The following TNIK variants were observed in gnomAD, a reference collection of about 807,000 sequenced individuals.
TNIK encodes the protein TRAF2 and NCK interacting kinase.
In TNIK, 49 loss-of-function variants were observed where a neutral mutation model predicts 191.3. That is an observed-to-expected ratio of 0.26 (90% CI 0.20 to 0.32). TNIK has a LOEUF of 0.32. Among genes scored for constraint, TNIK ranks in the 10% least tolerant of loss-of-function variants. The probability of loss-of-function intolerance (pLI) is 1.00; values close to 1 mark genes in which losing one functional copy is unlikely to be tolerated. For synonymous variants in TNIK, 594 were observed against 600.9 expected, an observed-to-expected ratio of 0.99 and a Z score of 0.17; for missense variants, 1,155 against 1,702.3, an observed-to-expected ratio of 0.68 and a Z score of 5.66.
intron 2 of TNIK, among the ~76,000 whole-genome samples, chr3:171,259,194 C>T (rs1467768833): frequency 6.6e-6 from 1 of 152,114 alleles, no homozygotes; most frequent in Non-Finnish European, 1.5e-5. Context: ...GGGAATAAAT[C>T]TCAAACCTGG....
At chr3:171,305,473 A>G (rs968184342) in intron 2 of TNIK, among the ~76,000 whole-genome samples, 4 of 152,172 alleles carry the variant, frequency 2.6e-5, no homozygotes, top group Non-Finnish European at 4.4e-5. Flanking sequence ...CATCTAACGA[A>G]GTCTAATATC....
At chr3:171,088,295 C>T (rs1378503401) in intron 23 of TNIK, among the ~76,000 whole-genome samples, 2 of 149,536 alleles carry the variant, frequency 1.3e-5, no homozygotes, top group East Asian at 2.0e-4. Flanking sequence ...AGTGCAGTGG[C>T]GCGATCTTGG....
At chr3:171,456,298 C>T (rs1728791046) in intron 1 of TNIK, among the ~76,000 whole-genome samples, 1 of 152,218 alleles carries the variant, frequency 6.6e-6, no homozygotes, top group African/African-American at 2.4e-5. Flanking sequence ...CTGGTGGCAA[C>T]TTTCATCTCT....
At chr3:171,198,708 A>AT (rs1290233690) in intron 4 of TNIK, among the ~76,000 whole-genome samples, 6 of 152,122 alleles carry the variant, frequency 3.9e-5, no homozygotes, top group Admixed American at 3.9e-4. Context: ...TGTTCTGCCT[A>AT]TTTTTGTGTA....
chr3:171,380,027 G>A (rs59872124), intron 1 of TNIK, among the ~76,000 whole-genome samples: 79,666 of 146,844 alleles, frequency 0.54, 22,005 homozygotes, highest in East Asian at 0.96. Context: ...ACACACACAC[G>A]CGCACACACA....
chr3:171,256,276 T>C (rs1306516619), intron 2 of TNIK, among the ~76,000 whole-genome samples: 1 of 152,122 alleles, frequency 6.6e-6, no homozygotes, highest in Non-Finnish European at 1.5e-5. Context: ...GTTCAACAAA[T>C]GAGTCTACAA....
chr3:171,208,945 C>G (rs1248821001), intron 4 of TNIK, among the ~76,000 whole-genome samples: 2 of 152,118 alleles, frequency 1.3e-5, no homozygotes, highest in African/African-American at 2.4e-5. Context: ...GTAAGTGACT[C>G]CCTATTGGTT....
intron 18 of TNIK, 75 bp downstream of exon 18, chr3:171,123,521 G>T: frequency 8.1e-7 from 1 of 1,239,776 alleles, no homozygotes; most frequent in Non-Finnish European, 1.1e-6. Context: ...AAGAACACAG[G>T]CATTTCTAGG....
chr3:171,371,209 C>T (rs1343345191), intron 1 of TNIK, among the ~76,000 whole-genome samples: 1 of 152,080 alleles, frequency 6.6e-6, no homozygotes, highest in African/African-American at 2.4e-5. Context: ...TCCACACCAC[C>T]AGCAGGATTT....
At chr3:171,171,136 C>T (rs2108767244) in intron 9 of TNIK, among the ~76,000 whole-genome samples, 2 of 152,278 alleles carry the variant, frequency 1.3e-5, no homozygotes, top group South Asian at 4.1e-4. Context: ...GGTTAAATAG[C>T]TTAGCAGGAG....
chr3:171,206,848 G>A (rs757645949), intron 4 of TNIK, among the ~76,000 whole-genome samples: 10 of 151,994 alleles, frequency 6.6e-5, no homozygotes, highest in East Asian at 1.9e-4. Flanking sequence ...CCAACGATTC[G>A]TAAATAAACA....
intron 2 of TNIK, among the ~76,000 whole-genome samples, chr3:171,228,644 A>G (rs954871025): frequency 1.3e-5 from 2 of 152,230 alleles, no homozygotes; most frequent in Non-Finnish European, 2.9e-5. Flanking sequence ...TTTTAACTGG[A>G]TATGATTCTG....
intron 1 of TNIK, among the ~76,000 whole-genome samples, chr3:171,381,531 A>T (rs1188742834): frequency 6.6e-6 from 1 of 152,206 alleles, no homozygotes; most frequent in African/African-American, 2.4e-5. Context: ...TGTCATTCCT[A>T]CTTAACTAAA....
At chr3:171,364,653 T>G (rs1715445072) in intron 2 of TNIK, among the ~76,000 whole-genome samples, 1 of 152,146 alleles carries the variant, frequency 6.6e-6, no homozygotes, top group Non-Finnish European at 1.5e-5. Flanking sequence ...AACAAGGAAG[T>G]AAGATAATTC....
intron 4 of TNIK, among the ~76,000 whole-genome samples, chr3:171,195,145 C>A (rs1390941566): frequency 6.6e-6 from 1 of 152,116 alleles, no homozygotes; most frequent in East Asian, 1.9e-4. Flanking sequence ...GGAGGTTGGA[C>A]ACATCAAATA....
At chr3:171,347,033 G>T in intron 2 of TNIK, 1 of 1,113,908 alleles carries the variant, frequency 9.0e-7, no homozygotes, top group African/African-American at 1.6e-5. Flanking sequence ...GCGTTCATAT[G>T]AGAGATGTGC....
chr3:171,314,434 T>G (rs139476839), intron 2 of TNIK, among the ~76,000 whole-genome samples: 1 of 152,302 alleles, frequency 6.6e-6, no homozygotes, highest in Non-Finnish European at 1.5e-5. Context: ...CTATGGCTGA[T>G]CCAGAGGTTC....
intron 1 of TNIK, among the ~76,000 whole-genome samples, chr3:171,423,563 C>T (rs1166959993): frequency 5.9e-5 from 9 of 152,252 alleles, no homozygotes; most frequent in East Asian, 3.9e-4. Context: ...GGAGGCATCA[C>T]ACTACCTGAC....
chr3:171,394,065 C>A (rs1306251236), intron 1 of TNIK, among the ~76,000 whole-genome samples: 3 of 152,206 alleles, frequency 2.0e-5, no homozygotes, highest in Non-Finnish European at 4.4e-5. Context: ...GTACAGCCAT[C>A]TTTTCCCTTG....
Sources: allele counts gnomAD v4.1 joint callset (sites outside exome capture counted in the v4.1 genomes callset), GRCh38; gene constraint gnomAD v4.1.1; transcripts MANE v1.5; gene names NCBI Gene and HGNC (gene_info 2026-07-23, HGNC 2026-07-21).